TRIM9: variants seen among roughly 807,000 people sequenced by gnomAD.
TRIM9 encodes tripartite motif containing 9.
A neutral mutation model predicts 78.3 loss-of-function variants in TRIM9; 26 were observed. The ratio of observed to expected loss-of-function variants is 0.33; its 90% CI spans 0.24 to 0.46. TRIM9 has a LOEUF of 0.46. TRIM9 is among the 20% of genes least tolerant of loss of function. TRIM9 has a pLI of 1.00. For missense variants in TRIM9, 787 were observed against 1,036.4 expected, an observed-to-expected ratio of 0.76 and a Z score of 3.30; for synonymous variants, 398 against 416.5, an observed-to-expected ratio of 0.96 and a Z score of 0.54.
At chr14:51,024,902 A>G (rs2058079221) in intron 2 of TRIM9, among the ~76,000 whole-genome samples, 1 of 152,202 alleles carries the variant, frequency 6.6e-6, no homozygotes, top group South Asian at 2.1e-4. Flanking sequence ...AAATGATACA[A>G]TTATTACAAG....
intron 2 of TRIM9, 107 bp downstream of exon 2, chr14:51,025,158 G>C: frequency 1.0e-6 from 1 of 1,001,558 alleles, no homozygotes; most frequent in Admixed American, 2.1e-5. Context: ...CCACAAAATA[G>C]GAATTTTCCC....
chr14:51,048,760 G>A (rs544691623), intron 1 of TRIM9, among the ~76,000 whole-genome samples: 36 of 152,106 alleles, frequency 2.4e-4, no homozygotes, highest in South Asian at 1.9e-3. Flanking sequence ...CGAGGCAGGC[G>A]GATCACGAGG....
At chr14:51,021,025 A>C (rs1022140976) in intron 3 of TRIM9, among the ~76,000 whole-genome samples, 1 of 152,222 alleles carries the variant, frequency 6.6e-6, no homozygotes, top group Non-Finnish European at 1.5e-5. Context: ...TTTAGCGGGG[A>C]AAACTGTTCA....
chr14:50,979,398 T>C lies in TRIM9; in HGVS notation c.2314A>G (p.Arg772Gly), dbSNP rs769654885. 4 of 1,614,244 alleles carry C rather than the reference T, an allele frequency of 2.5e-6. No individual in the cohort carries two copies. The South Asian group carries it at 4.4e-5, about 18-fold the overall frequency. The change falls in exon 12 of 13, where the codon AGG (arginine) becomes GGG (glycine). Residue 772 changes from arginine (R) to glycine (G), a missense_variant. Arg to Gly is a moderately radical substitution (Grantham distance 125). Around this residue, in one of 3 missense-constraint regions of TRIM9, gnomAD observed 421 missense variants for 514.3 expected, o/e 0.82. Transcript: ENST00000684578. ...GLFFPAVSLN[R>G]NVQVTLHTGL... is the part of the protein sequence containing the mutation. ...GGCAGGGTGCTTACCTGCACGTTCC[T>C]GTTCAGGCTGACCGCAGGGAAGAAG...
intron 1 of TRIM9, among the ~76,000 whole-genome samples, chr14:51,038,714 T>C (rs191397358): frequency 6.6e-6 from 1 of 152,364 alleles, no homozygotes; most frequent in Non-Finnish European, 1.5e-5. Context: ...CTAGGAATTC[T>C]GTGAGACTGA....
intron 1 of TRIM9, among the ~76,000 whole-genome samples, chr14:51,061,204 G>T (rs1596293400): frequency 6.6e-6 from 1 of 152,084 alleles, no homozygotes; most frequent in East Asian, 1.9e-4. Context: ...CCTGCGGTCA[G>T]GAGTTTGAGA....
At chr14:51,055,767 T>C (rs11626757) in intron 1 of TRIM9, among the ~76,000 whole-genome samples, 71,973 of 152,066 alleles carry the variant, frequency 0.47, 17,337 homozygotes, top group Middle Eastern at 0.54. Flanking sequence ...AATTTGTGTT[T>C]GTTCAAGCTA....
chr14:51,076,635 T>G (rs961363175), intron 1 of TRIM9, among the ~76,000 whole-genome samples: 2 of 152,248 alleles, frequency 1.3e-5, no homozygotes, highest in South Asian at 4.1e-4. Context: ...ATTTAACATG[T>G]GCCAAAAACT....
chr14:51,093,158 A>T (rs970237435), intron 1 of TRIM9, among the ~76,000 whole-genome samples: 4 of 152,134 alleles, frequency 2.6e-5, no homozygotes, highest in African/African-American at 9.7e-5. Context: ...GCGTGGGAAA[A>T]ATTGGAGGGT....
chr14:51,056,374 T>C (rs2060898185), intron 1 of TRIM9, among the ~76,000 whole-genome samples: 2 of 152,182 alleles, frequency 1.3e-5, no homozygotes, highest in Admixed American at 1.3e-4. Context: ...AAACATATGG[T>C]TTGCAACTAT....
At chr14:51,016,880 C>A (rs1363823866) in intron 3 of TRIM9, among the ~76,000 whole-genome samples, 2 of 152,140 alleles carry the variant, frequency 1.3e-5, no homozygotes. Flanking sequence ...TTCATGGATG[C>A]AAAACCCATG....
At chr14:51,026,009 A>G (rs1313851395) in intron 1 of TRIM9, among the ~76,000 whole-genome samples, 1 of 152,066 alleles carries the variant, frequency 6.6e-6, no homozygotes, top group Non-Finnish European at 1.5e-5. Flanking sequence ...CATCCATACG[A>G]GGAGGCAGTT....
chr14:50,999,210 G>C (rs1211056862), intron 6 of TRIM9, among the ~76,000 whole-genome samples: 2 of 151,878 alleles, frequency 1.3e-5, no homozygotes, highest in East Asian at 3.9e-4. Context: ...GACAAAATAA[G>C]ATAATTATTT....
intron 1 of TRIM9, chr14:51,090,744 T>C (rs1374106899): frequency 6.6e-6 from 1 of 152,230 alleles, no homozygotes; most frequent in East Asian, 1.9e-4. Flanking sequence ...CTACAAGGCA[T>C]GCACCACCAT....
rs374315245 is a variant in TRIM9 at position 51,000,851 on chromosome 14, A to G, written c.1307-11T>C. Reference sequence around the variant, plus strand: ...GGACTGGAGAGGAAGCTAAACAGAAATTAGTGTAACTCTGGCTTCTGTTAA... The same window carrying G: ...GGACTGGAGAGGAAGCTAAACAGAAGTTAGTGTAACTCTGGCTTCTGTTAA... On this transcript the variant is annotated splice_polypyrimidine_tract_variant and intron_variant, in intron 5 of 12. Transcript: ENST00000684578. 5.5e-5 allele frequency: 89 copies of G among 1,613,710 alleles called. No individual in the cohort carries two copies. The highest frequency in any genetic ancestry group is 6.9e-5 in the Non-Finnish European group (81 of 1,179,782).
chr14:51,009,120 C>T lies in TRIM9; in HGVS notation c.1266G>A (p.Leu422=). 1 of 1,614,064 alleles carries T rather than the reference C, an allele frequency of 6.2e-7. No individual in the cohort carries two copies. Among genetic ancestry groups the T allele is most frequent in the African/African-American group, 1.3e-5 (1 of 75,022 alleles). The change falls in exon 5 of 13, where the codon CTG becomes CTA. Residue 422 remains leucine (L), a synonymous_variant. Coordinates refer to ENST00000684578, the MANE Select transcript of TRIM9 (RefSeq NM_001387360.1). The part of the protein sequence containing the change: ...DFDLSLDNSP[L]LQSIHQLDFV... ...AATCCAGCTGGTGGATGGATTGCAGCAGAGGGCTGTTGTCCAGACTCAAGT... is the reference window on the plus strand; with the variant it reads ...AATCCAGCTGGTGGATGGATTGCAGTAGAGGGCTGTTGTCCAGACTCAAGT...
chr14:50,986,262 G>A, intron 7 of TRIM9, 118 bp from the exon 8 acceptor site: 2 of 916,860 alleles, frequency 2.2e-6, no homozygotes, highest in Non-Finnish European at 2.9e-6. Flanking sequence ...TTCCCACAGG[G>A]TGCCACACTC....
intron 5 of TRIM9, among the ~76,000 whole-genome samples, chr14:51,005,974 T>G (rs2055742181): frequency 6.6e-6 from 1 of 152,118 alleles, no homozygotes; most frequent in South Asian, 2.1e-4. Context: ...TGAGTGAAAA[T>G]ACGTAAAAGC....
intron 7 of TRIM9, among the ~76,000 whole-genome samples, chr14:50,990,352 A>G (rs1470549115): frequency 3.3e-5 from 5 of 152,200 alleles, no homozygotes; most frequent in Non-Finnish European, 7.3e-5. Context: ...AGCCAACGCT[A>G]TTGAACACCT....
Sources: gnomAD v4.1 joint callset for allele counts (sites outside exome capture counted in the v4.1 genomes callset) on GRCh38, gnomAD v4.1.1 for gene constraint, gnomAD v4.1.1 regional missense constraint, MANE v1.5 for transcripts, NCBI Gene and HGNC (gene_info 2026-07-23, HGNC 2026-07-21) for gene names.